Variants in UVRAG observed in about 807,000 individuals in gnomAD.
UVRAG encodes the protein UV radiation resistance associated.
UVRAG carries 19 observed loss-of-function variants against 78.0 expected under a neutral mutation model. The ratio of observed to expected loss-of-function variants is 0.24; its 90% CI spans 0.17 to 0.36. UVRAG has a LOEUF of 0.36. Among genes scored for constraint, UVRAG ranks in the 10% least tolerant of loss-of-function variants. UVRAG has a pLI of 1.00. For synonymous variants in UVRAG, 323 were observed against 324.6 expected (o/e 1.00, Z 0.05); for missense variants, 740 against 853.8 (o/e 0.87, Z 1.66).
chr11:76,018,740 G>T (rs1380522242), intron 12 of UVRAG, among the ~76,000 whole-genome samples: 1 of 152,034 alleles, frequency 6.6e-6, no homozygotes, highest in Non-Finnish European at 1.5e-5. Context: ...ATTTATCCTT[G>T]TTTCTTTTCT....
intron 12 of UVRAG, among the ~76,000 whole-genome samples, chr11:76,022,066 A>G (rs1286894179): frequency 2.6e-5 from 4 of 152,062 alleles, no homozygotes; most frequent in Middle Eastern, 3.4e-3. Context: ...AAAAAAAAAG[A>G]GCATTAATTT....
chr11:75,884,240 T>TCTCTTTCTCTCTCTCTC (rs1555080662), intron 4 of UVRAG, among the ~76,000 whole-genome samples: 6 of 132,462 alleles, frequency 4.5e-5, no homozygotes, highest in Admixed American at 7.2e-5. Context: ...CTCTCTCTCT[T>TCTCTTTCTCTCTCTCTC]TCTCTCTCTC....
At chr11:75,856,239 G>A (rs560887672) in intron 2 of UVRAG, among the ~76,000 whole-genome samples, 76 of 152,208 alleles carry the variant, frequency 5.0e-4, no homozygotes, top group Non-Finnish European at 9.4e-4. Context: ...TCCTGACCTC[G>A]TGATCCGCCT....
intron 7 of UVRAG, among the ~76,000 whole-genome samples, chr11:75,982,723 C>G (rs1477514709): frequency 6.6e-6 from 1 of 152,124 alleles, no homozygotes; most frequent in Non-Finnish European, 1.5e-5. Context: ...ATGGATTTGC[C>G]TATTCTGGAC....
At position 75,851,959 on chromosome 11, in the gene UVRAG, AC is replaced by A. The variant is rs1221693918; in HGVS notation, c.195del (p.Phe66LeufsTer20). On this transcript the variant is annotated frameshift_variant, in exon 2 of 15. Transcript: ENST00000356136. LOFTEE classifies it high-confidence loss of function. ...NRNGHQLLDT[Y>X]FTLHLCSTEK... Reference sequence around the variant, plus strand: ...AATGGCCATCAGCTCCTTGATACCTACTTTACACTTCACTTGTGTAGTACTG... The same window carrying A: ...AATGGCCATCAGCTCCTTGATACCTATTTACACTTCACTTGTGTAGTACTG... 2 of 1,613,882 alleles carry A rather than the reference AC, an allele frequency of 1.2e-6. No homozygotes were observed. Among genetic ancestry groups the A allele is most frequent in the Non-Finnish European group, 8.5e-7 (1 of 1,179,842 alleles).
intron 8 of UVRAG, among the ~76,000 whole-genome samples, chr11:75,987,444 T>C (rs1033885802): frequency 6.7e-6 from 1 of 149,756 alleles, no homozygotes; most frequent in African/African-American, 2.6e-5. Flanking sequence ...TTGAATTTTC[T>C]GTTTTTACAG....
intron 12 of UVRAG, among the ~76,000 whole-genome samples, chr11:76,019,631 G>C (rs1475666899): frequency 3.3e-5 from 5 of 152,090 alleles, no homozygotes; most frequent in Admixed American, 1.3e-4. Context: ...GATCCAGAAG[G>C]GTTCTCTGGA....
At chr11:75,883,637 A>C (rs1304966030) in intron 4 of UVRAG, among the ~76,000 whole-genome samples, 2 of 152,180 alleles carry the variant, frequency 1.3e-5, no homozygotes, top group Non-Finnish European at 2.9e-5. Context: ...AAGGATCCAG[A>C]GATTTGTAGG....
intron 12 of UVRAG, among the ~76,000 whole-genome samples, chr11:76,025,090 C>T (rs1274272034): frequency 6.6e-6 from 1 of 152,136 alleles, no homozygotes; most frequent in Non-Finnish European, 1.5e-5. Context: ...CAGTTTGAAA[C>T]ACAGGCCTGG....
chr11:75,876,615 C>T (rs1290229188), intron 3 of UVRAG, among the ~76,000 whole-genome samples: 1 of 151,118 alleles, frequency 6.6e-6, no homozygotes, highest in Non-Finnish European at 1.5e-5. Flanking sequence ...AAACTGACTG[C>T]ATAAATGTGT....
chr11:75,984,161 T>C (rs1169521069), intron 8 of UVRAG, among the ~76,000 whole-genome samples: 1 of 152,180 alleles, frequency 6.6e-6, no homozygotes, highest in African/African-American at 2.4e-5. Context: ...AGGCTAGCAG[T>C]ATGTGGTATG....
At chr11:76,077,053 T>C (rs527698066) in intron 13 of UVRAG, among the ~76,000 whole-genome samples, 1 of 149,744 alleles carries the variant, frequency 6.7e-6, no homozygotes, top group East Asian at 1.9e-4. Flanking sequence ...GAATGAATGA[T>C]GAATGAGTCA....
At chr11:75,987,042 A>G (rs1345291254) in intron 8 of UVRAG, among the ~76,000 whole-genome samples, 1 of 152,228 alleles carries the variant, frequency 6.6e-6, no homozygotes, top group Non-Finnish European at 1.5e-5. Flanking sequence ...CTTTCTGTCT[A>G]TCACAGATAA....
intron 6 of UVRAG, among the ~76,000 whole-genome samples, chr11:75,918,417 G>A (rs1476643329): frequency 6.6e-6 from 1 of 151,034 alleles, no homozygotes; most frequent in Non-Finnish European, 1.5e-5. Flanking sequence ...TTTCTTACTC[G>A]CTGGGCTTAG....
At chr11:76,043,159 C>T (rs1454412856) in intron 12 of UVRAG, among the ~76,000 whole-genome samples, 4 of 151,974 alleles carry the variant, frequency 2.6e-5, no homozygotes, top group Admixed American at 6.5e-5. Context: ...GTCAACTCTG[C>T]GTAGTGAGTA....
In UVRAG at chr11:75,961,515, A is replaced by T; in HGVS notation, c.665A>T (p.Glu222Val). The change falls in exon 7 of 15, where the codon GAA becomes GTA. Residue 222 changes from glutamate to valine, a missense_variant. Glu to Val is a moderately radical substitution (Grantham distance 121, BLOSUM62 -2). Coordinates refer to ENST00000356136, the MANE Select transcript of UVRAG (RefSeq NM_003369.4). ...CAGAAAATTGGAAAGGAAATTGAAG[A>T]AAAACTAAGACTCACATCTACAAGC... is the stretch of plus-strand genomic sequence containing the variant. ...TVQKIGKEIE[E>V]KLRLTSTSNE... 6.2e-7 allele frequency: 1 copy of T among 1,607,300 alleles called. No individual in the cohort carries two copies. Among genetic ancestry groups the T allele is most frequent in the Non-Finnish European group, 8.5e-7 (1 of 1,178,484 alleles).
chr11:76,022,791 C>T (rs1950268973), intron 12 of UVRAG, among the ~76,000 whole-genome samples: 1 of 152,102 alleles, frequency 6.6e-6, no homozygotes, highest in Non-Finnish European at 1.5e-5. Flanking sequence ...TTACTTATGC[C>T]ACTTTGCTAT....
chr11:76,073,299 C>CT (rs1472983766), intron 13 of UVRAG, among the ~76,000 whole-genome samples: 2 of 152,064 alleles, frequency 1.3e-5, no homozygotes, highest in African/African-American at 4.8e-5. Context: ...GAACTACCTT[C>CT]TTTTTTAAAA....
chr11:75,868,293 A>G (rs182447012), intron 3 of UVRAG, among the ~76,000 whole-genome samples: 153 of 152,334 alleles, frequency 1.0e-3, no homozygotes, highest in African/African-American at 3.5e-3. Flanking sequence ...TGAGGTGTTC[A>G]AGAAATGGCT....
Sources: gnomAD v4.1 joint callset for allele counts (sites outside exome capture counted in the v4.1 genomes callset) on GRCh38, gnomAD v4.1.1 for gene constraint, MANE v1.5 for transcripts, NCBI Gene and HGNC (gene_info 2026-07-23, HGNC 2026-07-21) for gene names.